The following NEBL variants were observed in gnomAD, a reference collection of about 807,000 sequenced individuals.
The protein encoded by NEBL is LIM and SH3 protein 2.
Under a neutral mutation model 140.2 loss-of-function variants are expected in NEBL, and 122 were observed. That is an observed-to-expected ratio of 0.87 (90% CI 0.75 to 1.01). The LOEUF is 1.01. Among genes scored for constraint, NEBL ranks in the 50% least tolerant of loss-of-function variants. NEBL has a pLI of 0.00. For missense variants in NEBL, 1,365 were observed against 1,231.3 expected (o/e 1.11, Z -1.62); for synonymous variants, 436 against 398.9 (o/e 1.09, Z -1.11).
chr10:21,244,836 C>T (rs370372839), intron 3 of NEBL, among the ~76,000 whole-genome samples: 3 of 150,522 alleles, frequency 2.0e-5, no homozygotes, highest in East Asian at 3.9e-4. Context: ...CACAGTGAGA[C>T]CCTCACCTCT....
At chr10:21,144,255 C>A (rs997943639) in intron 2 of NEBL, among the ~76,000 whole-genome samples, 1 of 152,320 alleles carries the variant, frequency 6.6e-6, no homozygotes, top group Middle Eastern at 3.4e-3. Context: ...TTAGGTAACA[C>A]CTGCAGATGG....
At chr10:21,099,029 A>C (rs1246953879) in intron 2 of NEBL, among the ~76,000 whole-genome samples, 1 of 152,178 alleles carries the variant, frequency 6.6e-6, no homozygotes, top group Non-Finnish European at 1.5e-5. Flanking sequence ...TCTACTCGGA[A>C]GGCTAAGGCG....
chr10:20,892,795 T>C (rs1325899988), intron 2 of NEBL, among the ~76,000 whole-genome samples: 1 of 152,218 alleles, frequency 6.6e-6, no homozygotes, highest in African/African-American at 2.4e-5. Context: ...ATGGAGATGT[T>C]TGCGGATCTT....
chr10:20,928,802 G>A (rs994365464), intron 4 of NEBL, among the ~76,000 whole-genome samples: 3 of 151,994 alleles, frequency 2.0e-5, no homozygotes, highest in African/African-American at 7.3e-5. Flanking sequence ...TTCCATCAAC[G>A]TTAATTAAAG....
intron 1 of NEBL, among the ~76,000 whole-genome samples, chr10:21,268,745 G>A (rs938201392): frequency 5.3e-5 from 8 of 151,716 alleles, no homozygotes; most frequent in Non-Finnish European, 1.2e-4. Flanking sequence ...GGCTGGTCTC[G>A]AACTTCTGAC....
intron 14 of NEBL, among the ~76,000 whole-genome samples, chr10:20,833,420 G>T (rs548394128): frequency 3.2e-4 from 48 of 152,216 alleles, no homozygotes; most frequent in African/African-American, 1.1e-3. Flanking sequence ...GGTTGAAAAT[G>T]ATCTGAGCCT....
At chr10:21,146,268 A>T in intron 2 of NEBL, 1 of 1,197,794 alleles carries the variant, frequency 8.3e-7, no homozygotes, top group Non-Finnish European at 1.2e-6. Context: ...GTCAGGCAGC[A>T]TCATTTACAT....
intron 12 of NEBL, 139 bp from the exon 13 acceptor site, chr10:20,840,988 C>CT: frequency 1.5e-6 from 1 of 646,812 alleles, no homozygotes; most frequent in Non-Finnish European, 2.7e-6. Context: ...AGTATTCATG[C>CT]TTTTTTCCTA....
At chr10:21,288,818 G>A (rs1210034032) in intron 1 of NEBL, among the ~76,000 whole-genome samples, 3 of 32,662 alleles carry the variant, frequency 9.2e-5, no homozygotes, top group East Asian at 2.0e-3. Context: ...ACGTGTGTGT[G>A]TGTATATATA....
At chr10:20,834,185 A>G (rs1554780835) in intron 14 of NEBL, among the ~76,000 whole-genome samples, 1 of 152,110 alleles carries the variant, frequency 6.6e-6, no homozygotes, top group Non-Finnish European at 1.5e-5. Context: ...AAGTGAGAAA[A>G]CAATCAACCA....
chr10:21,142,055 C>T lies in NEBL; in HGVS notation c.164+30328G>A, dbSNP rs984430159. Among the ~76,000 whole-genome samples the T allele has an allele frequency of 3.9e-5, 6 of 152,164 alleles. No individual in the cohort carries two copies. The East Asian group carries it at 7.7e-4, about 20-fold the overall frequency. On this transcript the variant is annotated intron_variant, in intron 2 of 6. Transcript: ENST00000417816. Reference sequence around the variant, plus strand: ...GCCGGGATTAAAGGGTTTTGAATCACTCTCTGTAATAGGACAAAAGACCTC... The same window carrying T: ...GCCGGGATTAAAGGGTTTTGAATCATTCTCTGTAATAGGACAAAAGACCTC...
At chr10:20,924,839 C>A (rs113279397) in intron 4 of NEBL, among the ~76,000 whole-genome samples, 1,864 of 152,084 alleles carry the variant, frequency 0.012, 37 homozygotes, top group African/African-American at 0.043. Context: ...TAACCATAAT[C>A]CGGCTGGCGC....
chr10:21,011,995 G>GC (rs1166528930), intron 3 of NEBL, among the ~76,000 whole-genome samples: 1 of 152,224 alleles, frequency 6.6e-6, no homozygotes, highest in Non-Finnish European at 1.5e-5. Context: ...TGCTGCAGAG[G>GC]CCCCAAGTCT....
chr10:21,209,453 A>T (rs1440778540), intron 3 of NEBL, among the ~76,000 whole-genome samples: 2 of 152,098 alleles, frequency 1.3e-5, no homozygotes, highest in Admixed American at 6.5e-5. Context: ...TTTTTCATGG[A>T]TACATTGCCC....
intron 3 of NEBL, among the ~76,000 whole-genome samples, chr10:21,241,534 G>A (rs1390110576): frequency 6.6e-6 from 1 of 152,138 alleles, no homozygotes; most frequent in Admixed American, 6.5e-5. Context: ...TTCTGCCTTC[G>A]TGCCAGAAAA....
intron 1 of NEBL, among the ~76,000 whole-genome samples, chr10:21,264,417 A>C (rs1283797313): frequency 5.3e-5 from 8 of 152,186 alleles, no homozygotes; most frequent in Non-Finnish European, 7.3e-5. Context: ...TGGGTGGGCC[A>C]TCCCATCCCC....
intron 2 of NEBL, among the ~76,000 whole-genome samples, chr10:21,097,350 T>C (rs1197984115): frequency 1.3e-5 from 2 of 151,718 alleles, no homozygotes; most frequent in African/African-American, 4.8e-5. Context: ...TCTCAGCAAC[T>C]CAGGAGGCTG....
At position 21,173,867 on chromosome 10, in the gene NEBL, C is replaced by T. The variant is rs745408470; in HGVS notation, c.-34G>A. On this transcript the variant is annotated 5_prime_UTR_variant, in exon 1 of 7. Coordinates refer to the NEBL transcript ENST00000417816. This position sits in a 1 kb window ranked among gnomAD's most constrained non-coding sequence, Gnocchi z 5.7. Reference sequence around the variant, plus strand: ...TTCCCGGGGGCGGCGGCGGCGGCGGCTGCTGGCTCCCAGGAGCCGCTGTGA... The same window carrying T: ...TTCCCGGGGGCGGCGGCGGCGGCGGTTGCTGGCTCCCAGGAGCCGCTGTGA... 3 of 1,604,888 alleles carry T rather than the reference C, an allele frequency of 1.9e-6. No individual in the cohort carries two copies. Among genetic ancestry groups the T allele is most frequent in the Non-Finnish European group, 2.5e-6 (3 of 1,178,158 alleles).
chr10:21,004,502 C>T (rs788490), intron 3 of NEBL, among the ~76,000 whole-genome samples: 4 of 152,052 alleles, frequency 2.6e-5, no homozygotes, highest in African/African-American at 9.7e-5. Context: ...GGGCAGATCA[C>T]GAGGTCAGGA....
Sources: allele counts gnomAD v4.1 joint callset (sites outside exome capture counted in the v4.1 genomes callset), GRCh38; gene constraint gnomAD v4.1.1; non-coding constraint Gnocchi (gnomAD v3.1); transcripts MANE v1.5; gene names NCBI Gene and HGNC (gene_info 2026-07-23, HGNC 2026-07-21).